COPZ1: variants seen among roughly 807,000 people sequenced by gnomAD.
COPZ1 encodes the protein coat protein complex I subunit zeta 1, also known as coatomer subunit zeta-1.
A neutral mutation model predicts 31.7 loss-of-function variants in COPZ1; 4 were observed. The ratio of observed to expected loss-of-function variants is 0.13; its 90% CI spans 0.06 to 0.29. The LOEUF (loss-of-function observed/expected upper bound fraction) is 0.29. Ranked by LOEUF, COPZ1 falls within the 10% of genes least tolerant of loss-of-function variation. The probability of loss-of-function intolerance (pLI) is 1.00; values close to 1 mark genes in which losing one functional copy is unlikely to be tolerated. For missense variants in COPZ1, 156 were observed against 211.5 expected (o/e 0.74, Z 1.63); for synonymous variants, 74 against 79.0 (o/e 0.94, Z 0.33).
rs138389047 is a variant in COPZ1 at position 54,339,912 on chromosome 12, G to A, written c.19-635G>A. 3.0e-3 allele frequency among the ~76,000 whole-genome samples: 452 copies of A among 151,938 alleles called. 2 individuals carry two copies. The highest frequency in any genetic ancestry group is 4.8e-3 in the Non-Finnish European group (328 of 67,952). On this transcript the variant is annotated intron_variant, in intron 1 of 8. Transcript: ENST00000262061. The stretch of plus-strand genomic sequence containing the variant: ...GTGGTTAAGGTATAGTGGAAGAATT[G>A]GAGAACATAGGAGAGTTTTTGAAGA...
At position 54,348,534 on chromosome 12, in the gene COPZ1, C is replaced by T. The variant is rs375751212; in HGVS notation, c.447+483C>T. 1.1e-4 allele frequency among the ~76,000 whole-genome samples: 17 copies of T among 152,050 alleles called. No individual in the cohort carries two copies. In the East Asian group the frequency reaches 1.2e-3, roughly 10 times the overall value. ...CTGGCGGATCACAAGGTCAGGAGTT[C>T]GAGACCAGCCTGACCAACATGGTGA... On this transcript the variant is annotated intron_variant, in intron 7 of 8. Transcript: ENST00000262061.
intron 1 of COPZ1, among the ~76,000 whole-genome samples, chr12:54,335,902 ACTCCTGGCTCTAGTGAT>A (rs2137093993): frequency 6.6e-6 from 1 of 150,432 alleles, no homozygotes; most frequent in South Asian, 2.1e-4. Flanking sequence ...TTGGTCTTGA[ACTCCTGGCTCTAGTGAT>A]CTCCTGCCTC....
In COPZ1 at chr12:54,343,274, A is replaced by G. The variant is rs1592207762; in HGVS notation, c.219A>G (p.Ile73Met). ...EGLTVVYKSS[I>M]DLYFYVIGSS... is the part of the protein sequence containing the mutation. ...TGACAGTGGTATACAAAAGCAGTAT[A>G]GATCTCTATTTCTATGTGATTGGCA... Residue 73 changes from isoleucine (I) to methionine (M), a missense_variant, in exon 4 of 9, where the codon ATA (isoleucine) becomes ATG (methionine). By Grantham distance (10) the Ile-to-Met change is conservative. Coordinates refer to ENST00000262061, the MANE Select transcript of COPZ1 (RefSeq NM_016057.3). 2.5e-6 allele frequency: 4 copies of G among 1,614,004 alleles called. No individual in the cohort carries two copies. Among genetic ancestry groups the G allele is most frequent in the South Asian group, 1.1e-5 (1 of 91,084 alleles).
In COPZ1 at chr12:54,351,605, A is replaced by G. The variant is rs998838663; in HGVS notation, c.*1082A>G. 6.6e-6 allele frequency: 1 copy of G among 151,852 alleles called. No homozygotes were observed. Among genetic ancestry groups the G allele is most frequent in the Non-Finnish European group, 1.5e-5 (1 of 67,982 alleles). 9.4% of individuals were successfully genotyped at this position (151,852 alleles called of 1,614,324 possible). A position where few individuals can be genotyped will look rare whatever the true frequency, so the allele number is the denominator to read the frequency against. On this transcript the variant is annotated 3_prime_UTR_variant, in exon 9 of 9. Coordinates refer to ENST00000262061, the MANE Select transcript of COPZ1 (RefSeq NM_016057.3). Reference sequence around the variant, plus strand: ...CAGGAAGATGGAGAATGGAATACTCACTCTTGGGTCTAATCTTTCCCCTTG... The same window carrying G: ...CAGGAAGATGGAGAATGGAATACTCGCTCTTGGGTCTAATCTTTCCCCTTG...
chr12:54,339,027 G>C (rs1347795633), intron 1 of COPZ1, among the ~76,000 whole-genome samples: 1 of 152,058 alleles, frequency 6.6e-6, no homozygotes, highest in Non-Finnish European at 1.5e-5. Context: ...TTTGTGTTTG[G>C]CTCCTGTGAG....
At chr12:54,330,021 G>A (rs904823614) in intron 1 of COPZ1, among the ~76,000 whole-genome samples, 2 of 152,116 alleles carry the variant, frequency 1.3e-5, no homozygotes, top group South Asian at 2.1e-4. Context: ...CTCCCATCTC[G>A]TTCCTGGCAG....
At chr12:54,347,961 G>A (rs1954092943) in intron 6 of COPZ1, 39 bp from the exon 7 acceptor site, 19 of 1,612,040 alleles carry the variant, frequency 1.2e-5, no homozygotes, top group African/African-American at 2.7e-5. Flanking sequence ...TTGGGCCTTC[G>A]GGACAGAGTG....
At chr12:54,338,106 A>G (rs1368490765) in intron 1 of COPZ1, among the ~76,000 whole-genome samples, 2 of 152,218 alleles carry the variant, frequency 1.3e-5, no homozygotes, top group African/African-American at 4.8e-5. Context: ...TGCAAGAACC[A>G]GTTTCCTATG....
chr12:54,343,548 G>A lies in COPZ1; in HGVS notation c.261+232G>A, dbSNP rs114049487. On this transcript the variant is annotated intron_variant, in intron 4 of 8. Transcript: ENST00000262061. ...GCATCCATTAGGAAACATCATATATGTTTTAATACCTTTCCCTGAGTAGTG... is the reference window on the plus strand; with the variant it reads ...GCATCCATTAGGAAACATCATATATATTTTAATACCTTTCCCTGAGTAGTG... Among the ~76,000 whole-genome samples, 506 of 152,290 alleles carry A rather than the reference G, an allele frequency of 3.3e-3. 5 individuals are homozygous for A. Among genetic ancestry groups the A allele is most frequent in the African/African-American group, 0.012 (489 of 41,560 alleles).
intron 4 of COPZ1, 144 bp downstream of exon 4, chr12:54,343,460 C>G (rs1328834204): frequency 7.0e-5 from 47 of 671,930 alleles, no homozygotes; most frequent in Non-Finnish European, 1.0e-4. Context: ...ATCCCACCAG[C>G]CTCACAAACA....
rs2137118315 is a variant in COPZ1 at position 54,351,785 on chromosome 12, T to A, written c.*1262T>A. On this transcript the variant is annotated 3_prime_UTR_variant, in exon 9 of 9. Coordinates refer to ENST00000262061, the MANE Select transcript of COPZ1 (RefSeq NM_016057.3). Reference sequence around the variant, plus strand: ...ATCTTTGTGTAAAAGATGCATGGAGTCAGGAGAAAACCACCTTCATAAACT... The same window carrying A: ...ATCTTTGTGTAAAAGATGCATGGAGACAGGAGAAAACCACCTTCATAAACT... 1 of 152,162 alleles carries A rather than the reference T, an allele frequency of 6.6e-6. No individual in the cohort carries two copies. The highest frequency in any genetic ancestry group is 6.5e-5 in the Admixed American group (1 of 15,288). The allele number at this position is 152,162 out of a possible 1,614,324, so 9.4% of individuals were successfully genotyped here.
chr12:54,343,072 G>T (rs1477923096), intron 3 of COPZ1, among the ~76,000 whole-genome samples, 153 bp from the exon 4 acceptor site: 1 of 152,008 alleles, frequency 6.6e-6, no homozygotes, highest in Admixed American at 6.6e-5. Flanking sequence ...GGCCAGGCTG[G>T]TCTTGAACTC....
chr12:54,336,325 A>G (rs1331765469), intron 1 of COPZ1, among the ~76,000 whole-genome samples: 1 of 152,032 alleles, frequency 6.6e-6, no homozygotes, highest in African/African-American at 2.4e-5. Context: ...CGGGCGGATC[A>G]CGAGGTCAGG....
chr12:54,341,434 C>T, intron 2 of COPZ1, among the ~76,000 whole-genome samples: 1 of 152,174 alleles, frequency 6.6e-6, no homozygotes, highest in East Asian at 1.9e-4. Flanking sequence ...TGTATTAACT[C>T]CGGGCGAGCG....
At chr12:54,346,910 C>G (rs1954073926) in intron 5 of COPZ1, among the ~76,000 whole-genome samples, 1 of 152,180 alleles carries the variant, frequency 6.6e-6, no homozygotes, top group Non-Finnish European at 1.5e-5. Context: ...CCTCTCCTCC[C>G]TTTCCACCTT....
At chr12:54,337,019 C>CAAAAA (rs1182592654) in intron 1 of COPZ1, among the ~76,000 whole-genome samples, 61 of 61,540 alleles carry the variant, frequency 9.9e-4, no homozygotes, top group Non-Finnish European at 1.3e-3. Context: ...GAGACTGTCG[C>CAAAAA]AAAAAAAAAA....
chr12:54,334,238 A>G (rs1468459611), intron 1 of COPZ1, among the ~76,000 whole-genome samples: 1 of 151,996 alleles, frequency 6.6e-6, no homozygotes, highest in African/African-American at 2.4e-5. Context: ...TACAAAAAAC[A>G]CAAAAATAAG....
chr12:54,350,204 C>T (rs940905967), intron 8 of COPZ1: 16 of 697,934 alleles, frequency 2.3e-5, no homozygotes, highest in African/African-American at 2.1e-4. Flanking sequence ...CCCCTTTTAA[C>T]ATATGTCCAG....
chr12:54,338,847 C>G (rs1436030270), intron 1 of COPZ1, among the ~76,000 whole-genome samples: 1 of 152,196 alleles, frequency 6.6e-6, no homozygotes, highest in Admixed American at 6.5e-5. Flanking sequence ...CCTTTTACTT[C>G]CATTCTGAAC....
Sources: allele counts gnomAD v4.1 joint callset (sites outside exome capture counted in the v4.1 genomes callset), GRCh38; gene constraint gnomAD v4.1.1; transcripts MANE v1.5; gene names NCBI Gene and HGNC (gene_info 2026-07-23, HGNC 2026-07-21).